The following NAALAD2 variants were observed in gnomAD, a reference collection of about 807,000 sequenced individuals.
NAALAD2 encodes the protein N-acetylated-alpha-linked acidic dipeptidase 2.
NAALAD2 carries 89 observed loss-of-function variants against 95.6 expected under a neutral mutation model. That is an observed-to-expected ratio of 0.93 (90% CI 0.78 to 1.11). The LOEUF (loss-of-function observed/expected upper bound fraction) is 1.11. Among genes scored for constraint, NAALAD2 ranks in the 50% least tolerant of loss-of-function variants. The pLI is 0.00. For synonymous variants in NAALAD2, 264 were observed against 294.4 expected (o/e 0.90, Z 1.06); for missense variants, 894 against 872.4 (o/e 1.02, Z -0.31).
At position 90,181,837 on chromosome 11, in the gene NAALAD2, A is replaced by G. The variant is rs140531648; in HGVS notation, c.1940+136A>G. The G allele has an allele frequency of 6.9e-3, 4,167 of 605,786 alleles. 131 individuals carry two copies. In the Admixed American group the frequency reaches 0.085, roughly 12 times the overall value. 37.5% of individuals were successfully genotyped at this position (605,786 alleles called of 1,614,324 possible). On this transcript the variant is annotated intron_variant, in intron 17 of 18. Coordinates refer to ENST00000534061, the MANE Select transcript of NAALAD2 (RefSeq NM_005467.4). ...TTATAGTCTGCAAATCAGCAATAGCAGTAGTACCTGAGAACTTGTTAGAAA... is the reference window on the plus strand; with the variant it reads ...TTATAGTCTGCAAATCAGCAATAGCGGTAGTACCTGAGAACTTGTTAGAAA...
chr11:90,189,936 T>A (rs1857273810), intron 18 of NAALAD2, among the ~76,000 whole-genome samples: 1 of 152,102 alleles, frequency 6.6e-6, no homozygotes, highest in African/African-American at 2.4e-5. Context: ...TTGTGGAGGG[T>A]AATTAAATCA....
intron 6 of NAALAD2, among the ~76,000 whole-genome samples, 165 bp from the exon 7 acceptor site, chr11:90,157,980 A>C (rs535847874): frequency 5.3e-5 from 8 of 152,134 alleles, no homozygotes; most frequent in African/African-American, 1.7e-4. Flanking sequence ...CTGCCTCCGA[A>C]AGTGCTGGGA....
chr11:90,187,512 T>A (rs1857190065), intron 18 of NAALAD2, among the ~76,000 whole-genome samples: 2 of 149,564 alleles, frequency 1.3e-5, no homozygotes, highest in Admixed American at 6.7e-5. Context: ...TGGATTGATA[T>A]GACATATTGC....
chr11:90,134,666 G>A lies in NAALAD2; in HGVS notation c.-93G>A. 1 of 1,286,662 alleles carries A rather than the reference G, an allele frequency of 7.8e-7. No homozygotes were observed. Among genetic ancestry groups the A allele is most frequent in the South Asian group, 1.2e-5 (1 of 82,864 alleles). The allele number at this position is 1,286,662 out of a possible 1,614,324, so 79.7% of individuals were successfully genotyped here. A position where few individuals can be genotyped will look rare whatever the true frequency, so the allele number is the denominator to read the frequency against. On this transcript the variant is annotated 5_prime_UTR_variant, in exon 1 of 19. Coordinates refer to ENST00000534061, the MANE Select transcript of NAALAD2 (RefSeq NM_005467.4). ...CGAAGGTCAGCGGAGGCCACCCAGA[G>A]CTCACAGCCTCCTGCCAGCGCGCTC...
At chr11:90,166,247 C>T (rs905019068) in intron 11 of NAALAD2, among the ~76,000 whole-genome samples, 1 of 151,988 alleles carries the variant, frequency 6.6e-6, no homozygotes, top group African/African-American at 2.4e-5. Flanking sequence ...GCATGTTCCT[C>T]TCTGTCTGTG....
intron 18 of NAALAD2, among the ~76,000 whole-genome samples, chr11:90,185,692 CTT>C (rs1269327649): frequency 6.6e-6 from 1 of 151,954 alleles, no homozygotes; most frequent in Non-Finnish European, 1.5e-5. Context: ...AGATTTGACT[CTT>C]GTGAAAATAT....
chr11:90,181,567 G>A (rs1045346244), intron 16 of NAALAD2, 53 bp from the exon 17 acceptor site: 7 of 1,289,344 alleles, frequency 5.4e-6, no homozygotes, highest in Admixed American at 1.8e-5. Context: ...GTGGGAAAGC[G>A]AACCTCTGAA....
chr11:90,166,687 A>T (rs1394169550), intron 11 of NAALAD2, among the ~76,000 whole-genome samples: 4 of 151,962 alleles, frequency 2.6e-5, no homozygotes, highest in Non-Finnish European at 4.4e-5. Context: ...TACAAAAAAT[A>T]AGCCAGGCGC....
chr11:90,146,440 C>G (rs1282025250), intron 2 of NAALAD2, among the ~76,000 whole-genome samples: 5 of 145,590 alleles, frequency 3.4e-5, no homozygotes, highest in Non-Finnish European at 7.5e-5. Flanking sequence ...CTCACTGCAA[C>G]CTCCGCCTCC....
intron 11 of NAALAD2, among the ~76,000 whole-genome samples, chr11:90,167,162 G>C (rs1591000759): frequency 1.3e-5 from 2 of 152,306 alleles, no homozygotes; most frequent in Middle Eastern, 6.8e-3. Flanking sequence ...GCTGGAGCCG[G>C]CTCCCTCAGC....
intron 5 of NAALAD2, among the ~76,000 whole-genome samples, chr11:90,151,436 T>G (rs1384796233): frequency 6.6e-6 from 1 of 152,204 alleles, no homozygotes; most frequent in Admixed American, 6.5e-5. Context: ...CATCTTGAAT[T>G]TGTTACTATT....
intron 11 of NAALAD2, among the ~76,000 whole-genome samples, chr11:90,167,911 T>C (rs928546067): frequency 2.0e-5 from 3 of 152,146 alleles, no homozygotes; most frequent in African/African-American, 7.2e-5. Context: ...GTCAGCAGGA[T>C]GTGGGTGGGG....
chr11:90,152,833 A>G (rs1201634560), intron 6 of NAALAD2, among the ~76,000 whole-genome samples: 1 of 152,056 alleles, frequency 6.6e-6, no homozygotes, highest in Non-Finnish European at 1.5e-5. Flanking sequence ...AATACAATAG[A>G]TAGATTGAAT....
At chr11:90,155,701 GTAT>G (rs71472284) in intron 6 of NAALAD2, among the ~76,000 whole-genome samples, 29 of 40,960 alleles carry the variant, frequency 7.1e-4, no homozygotes, top group South Asian at 2.7e-3. Context: ...ACATATGTAT[GTAT>G]TATTATTGTA....
intron 16 of NAALAD2, among the ~76,000 whole-genome samples, chr11:90,179,497 T>G (rs1297771910): frequency 6.6e-6 from 1 of 152,014 alleles, no homozygotes; most frequent in African/African-American, 2.4e-5. Flanking sequence ...TTATATAATA[T>G]TATATACAGG....
At chr11:90,159,881 G>A (rs1329192476) in intron 8 of NAALAD2, among the ~76,000 whole-genome samples, 1 of 124,954 alleles carries the variant, frequency 8.0e-6, no homozygotes, top group Non-Finnish European at 1.7e-5. Flanking sequence ...TTGAACCCAG[G>A]AAGCGGAGGT....
intron 2 of NAALAD2, among the ~76,000 whole-genome samples, chr11:90,138,288 G>A (rs1951501446): frequency 6.6e-6 from 1 of 152,104 alleles, no homozygotes; most frequent in Admixed American, 6.5e-5. Context: ...AGGAGGAGGA[G>A]GAAGAGGAGG....
Position 90,150,618 on chromosome 11 carries a change from ATTTG to A in NAALAD2, c.609+15_609+18del. 6.4e-7 allele frequency: 1 copy of A among 1,573,806 alleles called. No homozygotes were observed. The highest frequency in any genetic ancestry group is 1.4e-5 in the African/African-American group (1 of 73,832). On this transcript the variant is annotated intron_variant, in intron 5 of 18. Transcript: ENST00000534061. ...TTCAGAGGAAATAAAGTACAGTATT[ATTTG>A]TTTTTCTACAGAGAATGAGAGGATA... is the stretch of plus-strand genomic sequence containing the variant.
intron 18 of NAALAD2, among the ~76,000 whole-genome samples, chr11:90,183,706 A>G (rs1221600290): frequency 6.6e-6 from 1 of 152,164 alleles, no homozygotes; most frequent in Non-Finnish European, 1.5e-5. Flanking sequence ...GATATTCAAC[A>G]CTTCATTATA....
Sources: gnomAD v4.1 joint callset for allele counts (sites outside exome capture counted in the v4.1 genomes callset) on GRCh38, gnomAD v4.1.1 for gene constraint, MANE v1.5 for transcripts, NCBI Gene and HGNC (gene_info 2026-07-23, HGNC 2026-07-21) for gene names.